SOS1: variants seen among roughly 807,000 people sequenced by gnomAD.
The protein encoded by SOS1 is son of sevenless homolog 1.
Under a neutral mutation model 157.6 loss-of-function variants are expected in SOS1, and 25 were observed. The ratio of observed to expected loss-of-function variants is 0.16; its 90% CI spans 0.12 to 0.22. The LOEUF (loss-of-function observed/expected upper bound fraction) is 0.22, where lower values mean the gene tolerates loss of function less well. Ranked by LOEUF, SOS1 falls within the 10% of genes least tolerant of loss-of-function variation. The pLI is 1.00. For synonymous variants in SOS1, 528 were observed against 534.0 expected (o/e 0.99, Z 0.16); for missense variants, 1,237 against 1,599.1 (o/e 0.77, Z 3.86).
chr2:38,990,605 C>G (rs1668703033), intron 20 of SOS1, among the ~76,000 whole-genome samples: 1 of 152,122 alleles, frequency 6.6e-6, no homozygotes, highest in Admixed American at 6.5e-5. Flanking sequence ...ATAAACATAT[C>G]TCCTGGAGAT....
At chr2:39,102,492 C>T (rs559818108) in intron 1 of SOS1, among the ~76,000 whole-genome samples, 1 of 117,304 alleles carries the variant, frequency 8.5e-6, no homozygotes, top group East Asian at 2.9e-4. Flanking sequence ...GATCATACTA[C>T]TGCACTCCAG....
intron 10 of SOS1, among the ~76,000 whole-genome samples, chr2:39,015,195 C>T (rs1314862154): frequency 6.6e-6 from 1 of 151,666 alleles, no homozygotes; most frequent in Non-Finnish European, 1.5e-5. Flanking sequence ...GTTGGTTTAT[C>T]CCCCTTATAA....
At chr2:39,039,972 C>G (rs1670500021) in intron 6 of SOS1, among the ~76,000 whole-genome samples, 1 of 152,072 alleles carries the variant, frequency 6.6e-6, no homozygotes, top group Admixed American at 6.6e-5. Flanking sequence ...TTTCAAAGTT[C>G]ATCCATGTTG....
intron 1 of SOS1, among the ~76,000 whole-genome samples, chr2:39,109,388 T>A (rs921071248): frequency 3.3e-5 from 5 of 152,170 alleles, no homozygotes; most frequent in African/African-American, 1.2e-4. Flanking sequence ...CCTTTTTTAA[T>A]GCAACAGAAC....
chr2:39,066,395 A>T (rs559826446), intron 2 of SOS1, among the ~76,000 whole-genome samples: 1 of 152,230 alleles, frequency 6.6e-6, no homozygotes, highest in Non-Finnish European at 1.5e-5. Flanking sequence ...TGAAGTCATT[A>T]AAGTCAAACG....
intron 1 of SOS1, among the ~76,000 whole-genome samples, chr2:39,078,369 T>C (rs1672085968): frequency 2.6e-5 from 4 of 152,200 alleles, no homozygotes; most frequent in Admixed American, 2.0e-4. Flanking sequence ...AAAATAACAA[T>C]TTGGATTAAA....
At chr2:39,071,017 C>G (rs1296476898) in intron 1 of SOS1, among the ~76,000 whole-genome samples, 2 of 152,068 alleles carry the variant, frequency 1.3e-5, no homozygotes, top group African/African-American at 4.8e-5. Context: ...TGCCTGCCAC[C>G]ACGTTGGGCT....
chr2:39,116,075 T>C (rs761696701), intron 1 of SOS1, among the ~76,000 whole-genome samples: 4 of 152,260 alleles, frequency 2.6e-5, no homozygotes, highest in African/African-American at 9.6e-5. Flanking sequence ...TAAGTCTTTG[T>C]AGAGGCTTCA....
At chr2:39,056,944 T>C (rs926205168) in intron 3 of SOS1, 78 bp from the exon 4 acceptor site, 6 of 1,055,422 alleles carry the variant, frequency 5.7e-6, no homozygotes, top group African/African-American at 4.7e-5. Context: ...AAAAAACATA[T>C]TTGCACCTTA....
At chr2:38,997,143 T>C (rs1369632988) in intron 18 of SOS1, 105 bp from the exon 19 acceptor site, 3 of 1,079,148 alleles carry the variant, frequency 2.8e-6, no homozygotes, top group African/African-American at 1.6e-5. Flanking sequence ...ATTTGAATTA[T>C]TTCTTTTAAG....
At chr2:39,110,515 T>C (rs1246132164) in intron 1 of SOS1, among the ~76,000 whole-genome samples, 1 of 151,654 alleles carries the variant, frequency 6.6e-6, no homozygotes, top group South Asian at 2.1e-4. Flanking sequence ...CTAGGCATAC[T>C]GCCTATGGCA....
chr2:39,085,800 C>T (rs1672347591), intron 1 of SOS1, among the ~76,000 whole-genome samples: 2 of 152,036 alleles, frequency 1.3e-5, no homozygotes, highest in East Asian at 3.8e-4. Flanking sequence ...AGGCTATATC[C>T]CAAATATGAT....
At chr2:38,997,905 G>C (rs1259679164) in intron 17 of SOS1, among the ~76,000 whole-genome samples, 1 of 152,088 alleles carries the variant, frequency 6.6e-6, no homozygotes, top group African/African-American at 2.4e-5. Context: ...AAATTCAGAG[G>C]ATCATAGTTT....
intron 5 of SOS1, among the ~76,000 whole-genome samples, chr2:39,053,674 G>A (rs1335201258): frequency 6.6e-6 from 1 of 151,964 alleles, no homozygotes; most frequent in Non-Finnish European, 1.5e-5. Context: ...TACAGTTCCA[G>A]GAATTACCAG....
At position 38,986,761 on chromosome 2, in the gene SOS1, C is replaced by T. The variant is rs562814777; in HGVS notation, c.3511-446G>A. On this transcript the variant is annotated intron_variant, in intron 22 of 22. Coordinates refer to ENST00000402219, the MANE Select transcript of SOS1 (RefSeq NM_005633.4). Reference sequence around the variant, plus strand: ...TAGTTTTTACTTAAATTTTTTTCCTCAAAATTTTGTTTGCTACTGCTTGCT... The same window carrying T: ...TAGTTTTTACTTAAATTTTTTTCCTTAAAATTTTGTTTGCTACTGCTTGCT... Among the ~76,000 whole-genome samples the T allele has an allele frequency of 3.9e-5, 6 of 152,144 alleles. No homozygotes were observed. The East Asian group carries it at 1.2e-3, about 29-fold the overall frequency.
chr2:38,987,546 T>G lies in SOS1; in HGVS notation c.3437A>C (p.Glu1146Ala). The G allele has an allele frequency of 6.2e-7, 1 of 1,602,148 alleles. No individual in the cohort carries two copies. The highest frequency in any genetic ancestry group is 8.5e-7 in the Non-Finnish European group (1 of 1,170,836). The change falls in exon 22 of 23, where the codon GAA becomes GCA. Residue 1146 changes from glutamate (E) to alanine (A), a missense_variant. Around this residue, in one of 15 missense-constraint regions of SOS1, gnomAD observed 306 missense variants for 322.6 expected, o/e 0.95. Transcript: ENST00000402219. The stretch of plus-strand genomic sequence containing the variant: ...AGGAACAGGAGGAGGGACAGGCACT[T>G]CATCAGTGCCTTTGGTTAAACTTAT... ...SSISLTKGTD[E>A]VPVPPPVPPR...
At position 39,104,108 on chromosome 2, in the gene SOS1, C is replaced by T. The variant is rs1030311139; in HGVS notation, c.87+16228G>A. Among the ~76,000 whole-genome samples the T allele has an allele frequency of 1.3e-5, 2 of 151,924 alleles. 1 individual carries two copies. Among genetic ancestry groups the T allele is most frequent in the East Asian group, 3.9e-4 (2 of 5,168 alleles). ...ACCAGCCTGGCCAACATGGTGAAAC[C>T]CCGTCTCTATTAAAAACCTAAAAAT... On this transcript the variant is annotated intron_variant, in intron 1 of 22. Transcript: ENST00000402219.
intron 15 of SOS1, among the ~76,000 whole-genome samples, chr2:39,007,824 A>AACACACACATGCACACGCAC: frequency 6.6e-6 from 1 of 152,158 alleles, no homozygotes; most frequent in East Asian, 1.9e-4. Flanking sequence ...CATACACACA[A>AACACACACATGCACACGCAC]ACACACACAT....
In SOS1 at chr2:38,986,204, G is replaced by T; in HGVS notation, c.3622C>A (p.Pro1208Thr). The T allele has an allele frequency of 6.2e-7, 1 of 1,613,982 alleles. No homozygotes were observed. Among genetic ancestry groups the T allele is most frequent in the Non-Finnish European group, 8.5e-7 (1 of 1,179,908 alleles). Residue 1208 changes from proline to threonine, a missense_variant, in exon 23 of 23, where the codon CCT becomes ACT. By Grantham distance (38) the Pro-to-Thr change is conservative. This residue lies in a region of SOS1 where 306 missense variants were observed against 322.6 expected (regional missense o/e 0.95). Coordinates refer to ENST00000402219, the MANE Select transcript of SOS1 (RefSeq NM_005633.4). ...ISDRTSISDP[P>T]ESPPLLPPRE... is the part of the protein sequence containing the mutation. ...GGTGGTAATAAGGGAGGGCTTTCAG[G>T]AGGGTCTGAGATAGAGGTCCGGTCT...
Sources: allele counts gnomAD v4.1 joint callset (sites outside exome capture counted in the v4.1 genomes callset), GRCh38; gene constraint gnomAD v4.1.1; regional missense constraint gnomAD v4.1.1; transcripts MANE v1.5; gene names NCBI Gene and HGNC (gene_info 2026-07-23, HGNC 2026-07-21).